KCNIP4: variants seen among roughly 807,000 people sequenced by gnomAD.
KCNIP4 encodes potassium voltage-gated channel interacting protein 4, also known as Kv channel-interacting protein 4.
In KCNIP4, 12 loss-of-function variants were observed where a neutral mutation model predicts 34.0. The ratio of observed to expected loss-of-function variants is 0.35; its 90% CI spans 0.23 to 0.57. The LOEUF is 0.57. Ranked by LOEUF, KCNIP4 falls within the 20% of genes least tolerant of loss-of-function variation. The pLI is 0.83. For synonymous variants in KCNIP4, 124 were observed against 102.2 expected, an observed-to-expected ratio of 1.21 and a Z score of -1.29; for missense variants, 238 against 311.7, an observed-to-expected ratio of 0.76 and a Z score of 1.78.
intron 1 of KCNIP4, among the ~76,000 whole-genome samples, chr4:21,037,472 A>G (rs1741552843): frequency 6.6e-6 from 1 of 152,248 alleles, no homozygotes; most frequent in South Asian, 2.1e-4. Context: ...CGATACTCAT[A>G]CAATAGGTTG....
intron 1 of KCNIP4, among the ~76,000 whole-genome samples, chr4:20,907,814 T>G (rs2149564159): frequency 6.6e-6 from 1 of 151,866 alleles, no homozygotes; most frequent in African/African-American, 2.4e-5. Context: ...GCCTCCCGGG[T>G]TCACGCCATT....
chr4:21,374,307 A>C (rs1201482957), intron 1 of KCNIP4, among the ~76,000 whole-genome samples: 2 of 147,190 alleles, frequency 1.4e-5, no homozygotes, highest in Non-Finnish European at 2.9e-5. Flanking sequence ...AACATGGCGG[A>C]AGGTGAAAGG....
chr4:21,730,826 T>C (rs1469419593), intron 1 of KCNIP4, among the ~76,000 whole-genome samples: 2 of 152,000 alleles, frequency 1.3e-5, no homozygotes, highest in Non-Finnish European at 2.9e-5. Context: ...TAAGAGTCGA[T>C]TCTAGGCTGG....
chr4:21,055,433 A>T (rs1329007437), intron 1 of KCNIP4, among the ~76,000 whole-genome samples: 1 of 152,230 alleles, frequency 6.6e-6, no homozygotes, highest in Non-Finnish European at 1.5e-5. Flanking sequence ...TATCCAAAGA[A>T]GTTAAAAATT....
chr4:21,805,896 C>A (rs1454543960), intron 1 of KCNIP4, among the ~76,000 whole-genome samples: 4 of 152,168 alleles, frequency 2.6e-5, no homozygotes, highest in Non-Finnish European at 5.9e-5. Context: ...TATTAAGCAA[C>A]TCAGTAACTC....
intron 1 of KCNIP4, among the ~76,000 whole-genome samples, chr4:21,869,000 C>T (rs1357524140): frequency 6.6e-6 from 1 of 152,166 alleles, no homozygotes; most frequent in African/African-American, 2.4e-5. Context: ...AGGAGAAGCA[C>T]CTCTTCACTT....
At position 21,790,997 on chromosome 4, in the gene KCNIP4, T is replaced by TGC. The variant is rs1560716928; in HGVS notation, c.61+157573_61+157574insGC. ...AAAAAAAAAAAAAAAAAAAAAAAAG[T>TGC]TATATCTTGGAATACATCATTTTAC... On this transcript the variant is annotated intron_variant, in intron 1 of 8. Transcript: ENST00000382152. Among the ~76,000 whole-genome samples, 84 of 115,558 alleles carry TGC rather than the reference T, an allele frequency of 7.3e-4. 1 individual carries two copies. The highest frequency in any genetic ancestry group is 2.3e-3 in the African/African-American group (81 of 35,900). 75.8% of individuals were successfully genotyped at this position (115,558 alleles called of 152,430 possible).
At chr4:21,110,033 A>G (rs1455690787) in intron 1 of KCNIP4, among the ~76,000 whole-genome samples, 4 of 152,210 alleles carry the variant, frequency 2.6e-5, no homozygotes, top group Non-Finnish European at 5.9e-5. Flanking sequence ...CAGGTCTTCT[A>G]GAACAATTGC....
rs113873032 is a variant in KCNIP4, at chr4:21,867,067, G to A, written c.61+81504C>T. Reference sequence around the variant, plus strand: ...ATTACAGGCGTGAGCCACCACGCCCGGCCAGCTCAGCCTGGAATTCTAATG... The same window carrying A: ...ATTACAGGCGTGAGCCACCACGCCCAGCCAGCTCAGCCTGGAATTCTAATG... On this transcript the variant is annotated intron_variant, in intron 1 of 8. Transcript: ENST00000382152. 3.4e-3 allele frequency among the ~76,000 whole-genome samples: 516 copies of A among 152,128 alleles called. 3 individuals carry two copies. The highest frequency in any genetic ancestry group is 0.011 in the African/African-American group (446 of 41,506).
At position 20,840,392 on chromosome 4, in the gene KCNIP4, T is replaced by A. The variant is rs966129159; in HGVS notation, c.288+10151A>T. Among the ~76,000 whole-genome samples the A allele has an allele frequency of 4.6e-5, 7 of 152,198 alleles. No homozygotes were observed. In the East Asian group the frequency reaches 1.3e-3, roughly 29 times the overall value. On this transcript the variant is annotated intron_variant, in intron 3 of 8. Coordinates refer to ENST00000382152, the MANE Select transcript of KCNIP4 (RefSeq NM_025221.6). ...ACCCCTAACATATCTATCTTCCATG[T>A]CATTCTCTCATTTGGAGAAAATAAA...
intron 1 of KCNIP4, among the ~76,000 whole-genome samples, chr4:21,595,353 G>A (rs888776517): frequency 1.1e-4 from 16 of 152,006 alleles, no homozygotes; most frequent in Non-Finnish European, 1.6e-4. Flanking sequence ...AGTATTCCAC[G>A]GTATATATGT....
chr4:20,815,031 C>T (rs1367809851), intron 3 of KCNIP4, among the ~76,000 whole-genome samples: 1 of 152,118 alleles, frequency 6.6e-6, no homozygotes, highest in Non-Finnish European at 1.5e-5. Context: ...CCACACAGTC[C>T]TGACAAAGCA....
intron 1 of KCNIP4, among the ~76,000 whole-genome samples, chr4:21,929,219 A>C (rs925457768): frequency 2.0e-5 from 3 of 152,112 alleles, no homozygotes; most frequent in African/African-American, 7.2e-5. Flanking sequence ...CACCAAATTC[A>C]TGGTAGTGGT....
At chr4:21,411,207 C>T (rs1482075973) in intron 1 of KCNIP4, among the ~76,000 whole-genome samples, 2 of 152,144 alleles carry the variant, frequency 1.3e-5, no homozygotes, top group Admixed American at 6.6e-5. Context: ...GGAAAAGGGG[C>T]AAAGAGTTTG....
At chr4:21,303,428 C>T (rs1275364138) in intron 1 of KCNIP4, among the ~76,000 whole-genome samples, 1 of 152,086 alleles carries the variant, frequency 6.6e-6, no homozygotes. Context: ...AATGAGTGAT[C>T]TCACAATATA....
chr4:20,750,016 G>T (rs1753303021), intron 4 of KCNIP4, among the ~76,000 whole-genome samples: 1 of 152,182 alleles, frequency 6.6e-6, no homozygotes, highest in African/African-American at 2.4e-5. Flanking sequence ...ACAAGAAATG[G>T]TCCCATAGGT....
Position 20,884,631 on chromosome 4 carries a change from C to T in KCNIP4, c.62-1922G>A, listed in dbSNP as rs530267302. ...TCCCCTTTATGCCATTTCAAACCTC[C>T]GTGCCAGGATATGTGCTGTTCCCTC... On this transcript the variant is annotated intron_variant, in intron 1 of 8. Transcript: ENST00000382152. Among the ~76,000 whole-genome samples, 11 of 151,990 alleles carry T rather than the reference C, an allele frequency of 7.2e-5. No homozygotes were observed. The South Asian group carries it at 8.3e-4, about 11-fold the overall frequency.
intron 1 of KCNIP4, among the ~76,000 whole-genome samples, chr4:21,017,428 G>A (rs969294901): frequency 6.6e-6 from 1 of 152,164 alleles, no homozygotes. Flanking sequence ...ACTTATAAGT[G>A]AGAACATGCA....
intron 1 of KCNIP4, among the ~76,000 whole-genome samples, chr4:20,900,450 G>A (rs73802396): frequency 7.9e-5 from 12 of 152,292 alleles, no homozygotes; most frequent in African/African-American, 2.6e-4. Flanking sequence ...AGCATTGACT[G>A]TTCAATACAT....
Sources: gnomAD v4.1 joint callset for allele counts (sites outside exome capture counted in the v4.1 genomes callset) on GRCh38, gnomAD v4.1.1 for gene constraint, MANE v1.5 for transcripts, NCBI Gene and HGNC (gene_info 2026-07-23, HGNC 2026-07-21) for gene names.